ARSG: variants seen among roughly 807,000 people sequenced by gnomAD.
ARSG encodes arylsulfatase G.
Under a neutral mutation model 50.5 loss-of-function variants are expected in ARSG, and 37 were observed. That is an observed-to-expected ratio of 0.73 (90% confidence interval 0.56 to 0.96). The LOEUF is 0.96. ARSG is among the 50% of genes least tolerant of loss of function. The pLI is 0.00. For synonymous variants in ARSG, 225 were observed against 254.6 expected (o/e 0.88, Z 1.11); for missense variants, 629 against 675.3 (o/e 0.93, Z 0.76).
chr17:68,351,543 G>T (rs755055623), intron 4 of ARSG, 32 bp from the exon 5 acceptor site: 1 of 1,292,668 alleles, frequency 7.7e-7, no homozygotes. Flanking sequence ...TCGCAGCCAC[G>T]TGGGGGTGCT....
intron 2 of ARSG, among the ~76,000 whole-genome samples, chr17:68,311,121 A>C (rs1555766569): frequency 6.6e-6 from 1 of 152,178 alleles, no homozygotes; most frequent in Non-Finnish European, 1.5e-5. Flanking sequence ...GCACTGCTGC[A>C]CTCCAGCCCG....
chr17:68,334,817 C>G (rs1160057078), intron 2 of ARSG, among the ~76,000 whole-genome samples: 3 of 152,184 alleles, frequency 2.0e-5, no homozygotes, highest in Middle Eastern at 6.8e-3. Flanking sequence ...TGTTTCCAGA[C>G]AGGAGGTAGA....
intron 8 of ARSG, 24 bp from the exon 9 acceptor site, chr17:68,385,040 C>T: frequency 6.3e-7 from 1 of 1,597,650 alleles, no homozygotes; most frequent in East Asian, 2.2e-5. Flanking sequence ...ATGGATGAAC[C>T]AGCTGCCTCC....
chr17:68,274,007 A>G (rs1555750040), intron 1 of ARSG: 2 of 1,614,178 alleles, frequency 1.2e-6, no homozygotes, highest in Non-Finnish European at 1.7e-6. Context: ...GCTGACAAGT[A>G]GCCCCCCCAA....
chr17:68,382,451 A>G (rs2080483625), intron 8 of ARSG, among the ~76,000 whole-genome samples: 1 of 152,196 alleles, frequency 6.6e-6, no homozygotes, highest in Non-Finnish European at 1.5e-5. Context: ...ACGAGATGTT[A>G]TTGTTGTTGT....
chr17:68,409,845 G>A (rs1488262037), intron 11 of ARSG, among the ~76,000 whole-genome samples: 2 of 151,092 alleles, frequency 1.3e-5, no homozygotes, highest in Non-Finnish European at 2.9e-5. Context: ...CACATCCCTT[G>A]TAAGTTGGAT....
the ARSG span, chr17:68,444,508 G>A: frequency 1.2e-6 from 2 of 1,613,724 alleles, no homozygotes; most frequent in Non-Finnish European, 1.7e-6. Flanking sequence ...GGGTTTGCAG[G>A]AATATCCAGG....
chr17:68,443,970 A>C, the ARSG span, among the ~76,000 whole-genome samples: 1 of 152,220 alleles, frequency 6.6e-6, no homozygotes, highest in Non-Finnish European at 1.5e-5. Context: ...GAATGTATTA[A>C]ATAGTGTTAA....
At chr17:68,351,829 A>G in intron 5 of ARSG, 143 bp downstream of exon 5, 1 of 629,734 alleles carries the variant, frequency 1.6e-6, no homozygotes. Context: ...GTGCAAATTT[A>G]AATGTGTTAT....
intron 8 of ARSG, among the ~76,000 whole-genome samples, chr17:68,379,491 G>A (rs886328275): frequency 1.7e-4 from 24 of 138,412 alleles, no homozygotes; most frequent in African/African-American, 6.7e-4. Flanking sequence ...TGCCCAGGCT[G>A]GTTTCGAACT....
chr17:68,281,582 A>G (rs1196963216), intron 1 of ARSG, among the ~76,000 whole-genome samples: 1 of 152,234 alleles, frequency 6.6e-6, no homozygotes, highest in East Asian at 1.9e-4. Flanking sequence ...TCAAATAAAT[A>G]AATAAATAAA....
intron 8 of ARSG, among the ~76,000 whole-genome samples, chr17:68,383,174 GGTT>G (rs2080520992): frequency 6.6e-6 from 1 of 152,174 alleles, no homozygotes; most frequent in Admixed American, 6.5e-5. Flanking sequence ...CAACACAAAA[GGTT>G]GTGGCAAACG....
In ARSG at chr17:68,420,700, G is replaced by T; in HGVS notation, c.*237G>T. On this transcript the variant is annotated 3_prime_UTR_variant, in exon 12 of 12. Transcript: ENST00000621439. The stretch of plus-strand genomic sequence containing the variant: ...CCTTAATGGGAAGCACACGGGCTTT[G>T]GAGTCAGGCACAGGTGCCAGCTCCA... 1 of 545,342 alleles carries T rather than the reference G, an allele frequency of 1.8e-6. No homozygotes were observed. The highest frequency in any genetic ancestry group is 3.2e-6 in the Non-Finnish European group (1 of 310,156). 33.8% of individuals were successfully genotyped at this position (545,342 alleles called of 1,614,324 possible).
intron 1 of ARSG, among the ~76,000 whole-genome samples, chr17:68,296,480 AG>A (rs1293723967): frequency 6.6e-6 from 1 of 152,184 alleles, no homozygotes; most frequent in East Asian, 1.9e-4. Context: ...CCAGATGGCT[AG>A]GGGACGATGC....
intron 2 of ARSG, among the ~76,000 whole-genome samples, chr17:68,314,544 A>G (rs1440198212): frequency 7.9e-6 from 1 of 125,886 alleles, no homozygotes; most frequent in East Asian, 2.2e-4. Context: ...AAAAAAAAAA[A>G]ATTAAGTAAT....
intron 2 of ARSG, among the ~76,000 whole-genome samples, chr17:68,340,898 T>C (rs1334328076): frequency 6.6e-6 from 1 of 152,228 alleles, no homozygotes; most frequent in African/African-American, 2.4e-5. Context: ...TAATGACTTC[T>C]ATATTAATTT....
chr17:68,272,443 T>G (rs1375732863), intron 1 of ARSG, among the ~76,000 whole-genome samples: 5 of 152,178 alleles, frequency 3.3e-5, no homozygotes, highest in Non-Finnish European at 7.4e-5. Context: ...AAACCTATTA[T>G]TAAGGTGGTC....
chr17:68,442,081 C>T, the ARSG span, among the ~76,000 whole-genome samples: 1 of 152,178 alleles, frequency 6.6e-6, no homozygotes, highest in East Asian at 1.9e-4. Context: ...ACTTTTAAAC[C>T]TTATTTTCTC....
At chr17:68,348,902 T>A (rs1355830060) in intron 4 of ARSG, among the ~76,000 whole-genome samples, 1 of 152,202 alleles carries the variant, frequency 6.6e-6, no homozygotes, top group East Asian at 1.9e-4. Context: ...CAACGAGGTC[T>A]TTCTAACACT....
Sources: gnomAD v4.1 joint callset for allele counts (sites outside exome capture counted in the v4.1 genomes callset) on GRCh38, gnomAD v4.1.1 for gene constraint, MANE v1.5 for transcripts, NCBI Gene and HGNC (gene_info 2026-07-23, HGNC 2026-07-21) for gene names.